VPS54: variants seen among roughly 807,000 people sequenced by gnomAD.
The protein encoded by VPS54 is VPS54 subunit of GARP complex.
VPS54 carries 45 observed loss-of-function variants against 121.5 expected under a neutral mutation model. That is an observed-to-expected ratio of 0.37 (90% CI 0.29 to 0.47). The LOEUF is 0.47. Ranked by LOEUF, VPS54 falls within the 20% of genes least tolerant of loss-of-function variation. The pLI is 0.99. For missense variants in VPS54, 1,090 were observed against 1,131.4 expected (o/e 0.96, Z 0.52); for synonymous variants, 371 against 385.8 (o/e 0.96, Z 0.45).
chr2:63,995,416 C>A lies in VPS54; in HGVS notation c.-20-11397G>T, dbSNP rs1576004156. The stretch of plus-strand genomic sequence containing the variant: ...GTAACTTTGCCCAGACCTTGGGAAT[C>A]CTCCCCCTCAATACATTTAATTAAT... On this transcript the variant is annotated intron_variant, in intron 1 of 22. Transcript: ENST00000272322. Among the ~76,000 whole-genome samples the A allele has an allele frequency of 3.9e-5, 6 of 152,330 alleles. No individual in the cohort carries two copies. The East Asian group carries it at 1.2e-3, about 29-fold the overall frequency.
chr2:63,990,513 C>CT (rs1677268395), intron 1 of VPS54, among the ~76,000 whole-genome samples: 1 of 152,120 alleles, frequency 6.6e-6, no homozygotes, highest in Admixed American at 6.5e-5. Flanking sequence ...TCCACTCAGC[C>CT]TGCCTCTCTG....
In VPS54 at chr2:64,013,494, G is replaced by A. The variant is rs368291084; in HGVS notation, c.-21+5444C>T. 1.9e-4 allele frequency among the ~76,000 whole-genome samples: 29 copies of A among 150,880 alleles called. No homozygotes were observed. The South Asian group carries it at 6.1e-3, about 32-fold the overall frequency. On this transcript the variant is annotated intron_variant, in intron 1 of 22. Transcript: ENST00000272322. ...AGCTATAAAGATTTTTGGGACAAATGGGAAGATTTAAGTATAGAGTATACA... is the reference window on the plus strand; with the variant it reads ...AGCTATAAAGATTTTTGGGACAAATAGGAAGATTTAAGTATAGAGTATACA...
At chr2:63,965,024 TAACATGTAAA>T (rs1675927660) in intron 6 of VPS54, among the ~76,000 whole-genome samples, 1 of 152,190 alleles carries the variant, frequency 6.6e-6, no homozygotes, top group Non-Finnish European at 1.5e-5. Flanking sequence ...TGCTGACTAG[TAACATGTAAA>T]AGACTAGGCT....
At chr2:63,957,171 G>A (rs964250036) in intron 7 of VPS54, among the ~76,000 whole-genome samples, 1 of 151,900 alleles carries the variant, frequency 6.6e-6, no homozygotes, top group Non-Finnish European at 1.5e-5. Context: ...GGCCGGGCAC[G>A]GTGGCTCACA....
chr2:63,999,792 G>T (rs905921864), intron 1 of VPS54, among the ~76,000 whole-genome samples: 1 of 151,416 alleles, frequency 6.6e-6, no homozygotes, highest in Non-Finnish European at 1.5e-5. Context: ...TTTTTCTTTT[G>T]TCTTCTCTGA....
intron 4 of VPS54, among the ~76,000 whole-genome samples, chr2:63,970,246 T>A (rs890293200): frequency 3.3e-5 from 3 of 91,076 alleles, no homozygotes; most frequent in Admixed American, 1.1e-4. Context: ...CATTCTAATA[T>A]ATATATAGAT....
At chr2:63,905,799 G>A (rs981650839) in intron 20 of VPS54, among the ~76,000 whole-genome samples, 1 of 151,970 alleles carries the variant, frequency 6.6e-6, no homozygotes, top group Non-Finnish European at 1.5e-5. Flanking sequence ...CCTTAAGTAG[G>A]TTTATCCTAT....
In VPS54 at chr2:63,912,785, C is replaced by T. The variant is rs148677187; in HGVS notation, c.2423-124G>A. The T allele has an allele frequency of 2.8e-5, 35 of 1,234,706 alleles. No individual in the cohort carries two copies. The East Asian group carries it at 6.8e-4, about 24-fold the overall frequency. 76.5% of individuals were successfully genotyped at this position (1,234,706 alleles called of 1,614,324 possible). A position where few individuals can be genotyped will look rare whatever the true frequency, so the allele number is the denominator to read the frequency against. ...ATAAAGAACCAGTTTATTTCATAAA[C>T]GAAGAGCCCTATGGCAGAAGGCAAC... On this transcript the variant is annotated intron_variant, in intron 18 of 22. Coordinates refer to ENST00000272322, the MANE Select transcript of VPS54 (RefSeq NM_016516.3).
chr2:63,923,119 C>T (rs906449588), intron 12 of VPS54, among the ~76,000 whole-genome samples: 1 of 151,994 alleles, frequency 6.6e-6, no homozygotes, highest in Non-Finnish European at 1.5e-5. Flanking sequence ...CGAGATCATC[C>T]TGGCTAACAC....
At chr2:63,897,801 T>C (rs2104397030) in intron 21 of VPS54, among the ~76,000 whole-genome samples, 1 of 152,320 alleles carries the variant, frequency 6.6e-6, no homozygotes, top group South Asian at 2.1e-4. Flanking sequence ...TTAGCAGTAC[T>C]CCTTTTTGGA....
chr2:64,013,667 T>C (rs1046534743), intron 1 of VPS54, among the ~76,000 whole-genome samples: 6 of 145,866 alleles, frequency 4.1e-5, no homozygotes, highest in Non-Finnish European at 7.5e-5. Context: ...TATTGATATA[T>C]ATATCTATAT....
intron 1 of VPS54, among the ~76,000 whole-genome samples, chr2:64,011,289 C>T (rs927155600): frequency 6.6e-6 from 1 of 152,042 alleles, no homozygotes; most frequent in African/African-American, 2.4e-5. Flanking sequence ...AAGGGGAGGC[C>T]GGGCACGGTG....
At chr2:64,018,246 GAAA>G (rs945966417) in intron 1 of VPS54, among the ~76,000 whole-genome samples, 1 of 151,972 alleles carries the variant, frequency 6.6e-6, no homozygotes, top group Non-Finnish European at 1.5e-5. Flanking sequence ...CTGGTTAGAA[GAAA>G]AAAATTTTTT....
chr2:63,941,861 C>G (rs1019203898), intron 11 of VPS54, among the ~76,000 whole-genome samples: 3 of 151,704 alleles, frequency 2.0e-5, no homozygotes, highest in Non-Finnish European at 4.4e-5. Context: ...TGGTGAAACC[C>G]CATCTCTACT....
intron 1 of VPS54, among the ~76,000 whole-genome samples, chr2:64,009,355 G>A (rs556608154): frequency 7.9e-5 from 12 of 151,382 alleles, no homozygotes; most frequent in Admixed American, 2.6e-4. Context: ...TCGCTGTGTC[G>A]CCTAGACTGG....
intron 7 of VPS54, among the ~76,000 whole-genome samples, chr2:63,953,188 G>A (rs978924920): frequency 5.8e-5 from 8 of 138,468 alleles, no homozygotes; most frequent in Non-Finnish European, 1.2e-4. Context: ...CTGGAGTGTA[G>A]TGGTGCAATC....
intron 1 of VPS54, among the ~76,000 whole-genome samples, chr2:63,987,004 C>T (rs1677083641): frequency 6.6e-6 from 1 of 152,128 alleles, no homozygotes; most frequent in South Asian, 2.1e-4. Context: ...CAAATATTTT[C>T]CTCCCATTCT....
intron 21 of VPS54, among the ~76,000 whole-genome samples, chr2:63,898,411 T>A (rs1274422939): frequency 1.3e-5 from 2 of 152,190 alleles, no homozygotes; most frequent in Non-Finnish European, 1.5e-5. Context: ...CGGCTCCCCT[T>A]CAGTCCTCAG....
In VPS54 at chr2:64,018,471, T is replaced by C. The variant is rs377007231; in HGVS notation, c.-21+467A>G. Among the ~76,000 whole-genome samples the C allele has an allele frequency of 8.5e-5, 13 of 152,284 alleles. No individual in the cohort carries two copies. In the East Asian group the frequency reaches 2.1e-3, roughly 25 times the overall value. On this transcript the variant is annotated intron_variant, in intron 1 of 22. Coordinates refer to ENST00000272322, the MANE Select transcript of VPS54 (RefSeq NM_016516.3). Reference sequence around the variant, plus strand: ...ATTGCACAAATTATTTCAAGCTACATTGCCAAAATGCAAAATACTGAGTAA... The same window carrying C: ...ATTGCACAAATTATTTCAAGCTACACTGCCAAAATGCAAAATACTGAGTAA...
Sources: gnomAD v4.1 joint callset for allele counts (sites outside exome capture counted in the v4.1 genomes callset) on GRCh38, gnomAD v4.1.1 for gene constraint, MANE v1.5 for transcripts, NCBI Gene and HGNC (gene_info 2026-07-23, HGNC 2026-07-21) for gene names.